Variants in XPO6 observed in about 807,000 individuals in gnomAD.
XPO6 encodes exportin-6.
Under a neutral mutation model 130.0 loss-of-function variants are expected in XPO6, and 3 were observed. The ratio of observed to expected loss-of-function variants is 0.02; its 90% CI spans 0.01 to 0.06. The LOEUF is 0.06. Among genes scored for constraint, XPO6 ranks in the 10% least tolerant of loss-of-function variants. XPO6 has a pLI of 1.00. For synonymous variants in XPO6, 524 were observed against 548.9 expected, an observed-to-expected ratio of 0.95 and a Z score of 0.63; for missense variants, 970 against 1,393.0, an observed-to-expected ratio of 0.70 and a Z score of 4.83.
chr16:28,101,168 A>C lies in XPO6; in HGVS notation c.3276+290T>G. 4.2e-6 allele frequency: 2 copies of C among 479,392 alleles called. No homozygotes were observed. Among genetic ancestry groups the C allele is most frequent in the African/African-American group, 2.0e-5 (1 of 51,160 alleles). 29.7% of individuals were successfully genotyped at this position (479,392 alleles called of 1,614,324 possible). A position where few individuals can be genotyped will look rare whatever the true frequency, so the allele number is the denominator to read the frequency against. On this transcript the variant is annotated intron_variant, in intron 23 of 23. Transcript: ENST00000304658. This position sits in a 1 kb window ranked among gnomAD's most constrained non-coding sequence, Gnocchi z 5.4. ...GAGGGAGAACGGCAGGGTCCTGGGT[A>C]TGAACAAAGATGCCAAGACAAATGG...
At chr16:28,202,989 C>T (rs559113141) in intron 1 of XPO6, among the ~76,000 whole-genome samples, 13 of 152,310 alleles carry the variant, frequency 8.5e-5, no homozygotes, top group Middle Eastern at 3.4e-3. Context: ...GACAAAAAGT[C>T]TGCTGGCTGG....
At chr16:28,211,229 G>A in intron 1 of XPO6, 137 bp downstream of exon 1, 1 of 858,358 alleles carries the variant, frequency 1.2e-6, no homozygotes, top group Non-Finnish European at 1.6e-6. Context: ...CACTCTGCAC[G>A]CATGTGTCAC....
chr16:28,104,711 CAA>C lies in XPO6; in HGVS notation c.2785-6_2785-5del, dbSNP rs1427920995. 1.2e-6 allele frequency: 2 copies of C among 1,613,434 alleles called. No individual in the cohort carries two copies. The highest frequency in any genetic ancestry group is 1.7e-6 in the Non-Finnish European group (2 of 1,179,992). On this transcript the variant is annotated splice_region_variant and splice_polypyrimidine_tract_variant and intron_variant, in intron 20 of 23. Coordinates refer to ENST00000304658, the MANE Select transcript of XPO6 (RefSeq NM_015171.4). ...CCTTCACATCAGGGGAGGGACGCTG[CAA>C]AGACACACAGACGCTCAGACCTGCA...
intron 9 of XPO6, among the ~76,000 whole-genome samples, chr16:28,139,406 G>A (rs2042843573): frequency 6.6e-6 from 1 of 152,140 alleles, no homozygotes; most frequent in South Asian, 2.1e-4. Context: ...TGTTATGGTA[G>A]CCCAATCTAA....
At chr16:28,111,615 T>C (rs1343591204) in intron 17 of XPO6, 41 of 515,320 alleles carry the variant, frequency 8.0e-5, no homozygotes, top group Non-Finnish European at 3.1e-5. Flanking sequence ...AGTTTGATTC[T>C]GGAAATAGGT....
intron 7 of XPO6, chr16:28,154,692 T>C (rs944981166): frequency 2.0e-5 from 3 of 152,164 alleles, no homozygotes; most frequent in Non-Finnish European, 4.4e-5. Flanking sequence ...CATCAGTACA[T>C]AGACAATCCA....
intron 14 of XPO6, 85 bp from the exon 15 acceptor site, chr16:28,117,547 T>C: frequency 3.4e-6 from 5 of 1,467,588 alleles, no homozygotes; most frequent in Non-Finnish European, 4.6e-6. Flanking sequence ...AGGTAAGAAT[T>C]GCATCCACTG....
chr16:28,161,583 C>A (rs1424949263), intron 6 of XPO6, among the ~76,000 whole-genome samples: 16 of 150,518 alleles, frequency 1.1e-4, no homozygotes, highest in African/African-American at 2.9e-4. Context: ...AAAAAAAAAA[C>A]AAAACATCTA....
At position 28,211,484 on chromosome 16, in the gene XPO6, G is replaced by C. The variant is rs1170349912; in HGVS notation, c.-116C>G. ...TCGGGAAGTCCCCCACCCATGCAAA[G>C]ACAACCCCTTCCCCACCGGGCCCCG... On this transcript the variant is annotated 5_prime_UTR_variant, in exon 1 of 24. Transcript: ENST00000304658. The C allele has an allele frequency of 9.1e-6, 11 of 1,204,810 alleles. No homozygotes were observed. The African/African-American group carries it at 1.7e-4, about 19-fold the overall frequency. 74.6% of individuals were successfully genotyped at this position (1,204,810 alleles called of 1,614,324 possible).
At chr16:28,198,428 TTG>T (rs1596969978) in intron 1 of XPO6, among the ~76,000 whole-genome samples, 1 of 152,134 alleles carries the variant, frequency 6.6e-6, no homozygotes, top group Admixed American at 6.5e-5. Context: ...AGAGAAGATT[TTG>T]TGTTTCTACA....
At chr16:28,143,198 G>A (rs1317096190) in intron 9 of XPO6, among the ~76,000 whole-genome samples, 5 of 152,178 alleles carry the variant, frequency 3.3e-5, no homozygotes, top group African/African-American at 9.7e-5. Context: ...CAGATGCCAG[G>A]GCAGGCAGGT....
intron 1 of XPO6, among the ~76,000 whole-genome samples, chr16:28,206,139 T>TATAC (rs1555532383): frequency 7.0e-6 from 1 of 142,734 alleles, no homozygotes; most frequent in Non-Finnish European, 1.5e-5. Context: ...TAGAAAGCAA[T>TATAC]ACACACACAC....
chr16:28,116,066 G>A (rs905989942), intron 15 of XPO6, among the ~76,000 whole-genome samples: 4 of 152,202 alleles, frequency 2.6e-5, no homozygotes, highest in Non-Finnish European at 5.9e-5. Context: ...CAACAACAAG[G>A]CTGTTGTACT....
intron 7 of XPO6, chr16:28,153,539 C>A (rs946021360): frequency 2.0e-6 from 2 of 985,262 alleles, no homozygotes; most frequent in Non-Finnish European, 2.4e-6. Context: ...TTTGTATTCA[C>A]AAAATCATTT....
chr16:28,098,575 CAG>C lies in XPO6; in HGVS notation c.3339_3340del (p.Cys1114GlnfsTer184). 6.2e-7 allele frequency: 1 copy of C among 1,612,914 alleles called. No individual in the cohort carries two copies. The highest frequency in any genetic ancestry group is 8.5e-7 in the Non-Finnish European group (1 of 1,179,288). On this transcript the variant is annotated frameshift_variant, in exon 24 of 24. Coordinates refer to ENST00000304658, the MANE Select transcript of XPO6 (RefSeq NM_015171.4). LOFTEE classifies it high-confidence loss of function. ...AGTGCCAGGGGGCAGGCTGTCGTTGCAGAGTCTGTAGTAGCGCAGGTCGTTGA... is the reference window on the plus strand; with the variant it reads ...AGTGCCAGGGGGCAGGCTGTCGTTGCAGTCTGTAGTAGCGCAGGTCGTTGA...
intron 1 of XPO6, among the ~76,000 whole-genome samples, chr16:28,186,203 T>C (rs74014251): frequency 0.068 from 10,363 of 151,998 alleles, 850 homozygotes; most frequent in East Asian, 0.17. Context: ...CTCACTCTTT[T>C]GCAGGTTTGT....
intron 15 of XPO6, 143 bp from the exon 16 acceptor site, chr16:28,113,193 TATG>T: frequency 9.5e-7 from 1 of 1,053,416 alleles, no homozygotes; most frequent in Non-Finnish European, 1.3e-6. Context: ...GAATTTTTCC[TATG>T]ATGACTACAA....
At chr16:28,165,539 G>A (rs905563080) in intron 6 of XPO6, 2 of 152,182 alleles carry the variant, frequency 1.3e-5, no homozygotes, top group African/African-American at 4.8e-5. Flanking sequence ...ATGAAAATTT[G>A]TAATAATTAG....
In XPO6 at chr16:28,125,684, C is replaced by A. The variant is rs2087381688; in HGVS notation, c.1766+5G>T. 1.2e-6 allele frequency: 2 copies of A among 1,612,762 alleles called. No homozygotes were observed. Among genetic ancestry groups the A allele is most frequent in the East Asian group, 2.2e-5 (1 of 44,850 alleles). On this transcript the variant is annotated splice_donor_5th_base_variant and intron_variant, in intron 13 of 23. Transcript: ENST00000304658. ...AACAGCTCCATAAGGTAACTGCCAG[C>A]CTACCTTTCCACGACTGTGAGGGCA...
Sources: allele counts gnomAD v4.1 joint callset (sites outside exome capture counted in the v4.1 genomes callset), GRCh38; gene constraint gnomAD v4.1.1; non-coding constraint Gnocchi (gnomAD v3.1); transcripts MANE v1.5; gene names NCBI Gene and HGNC (gene_info 2026-07-23, HGNC 2026-07-21).